ADARB2: variants seen among roughly 807,000 people sequenced by gnomAD.
ADARB2 encodes adenosine deaminase RNA specific B2 (inactive).
A neutral mutation model predicts 62.2 loss-of-function variants in ADARB2; 25 were observed. The ratio of observed to expected loss-of-function variants is 0.40; its 90% confidence interval spans 0.29 to 0.56. The LOEUF is 0.56. ADARB2 is among the 20% of genes least tolerant of loss of function. ADARB2 has a pLI of 0.43. For missense variants in ADARB2, 1,071 were observed against 1,077.4 expected (o/e 0.99, Z 0.08); for synonymous variants, 572 against 500.8 (o/e 1.14, Z -1.90).
chr10:1,610,933 G>T (rs1478457148), intron 1 of ADARB2, among the ~76,000 whole-genome samples: 1 of 152,112 alleles, frequency 6.6e-6, no homozygotes, highest in Non-Finnish European at 1.5e-5. Context: ...TGAGGTGGGG[G>T]CTTTAACTCA....
intron 3 of ADARB2, among the ~76,000 whole-genome samples, chr10:1,315,075 G>A (rs1032946686): frequency 6.6e-6 from 1 of 152,202 alleles, no homozygotes; most frequent in Admixed American, 6.5e-5. Context: ...CCTGGGCAGG[G>A]AGCCCTGAGT....
intron 6 of ADARB2, among the ~76,000 whole-genome samples, chr10:1,224,005 C>A (rs1259504741): frequency 2.6e-5 from 4 of 152,176 alleles, no homozygotes; most frequent in Non-Finnish European, 5.9e-5. Context: ...ATGGTACCAG[C>A]TCCTCTTTGT....
intron 1 of ADARB2, among the ~76,000 whole-genome samples, chr10:1,400,706 C>T (rs79696532): frequency 0.019 from 2,922 of 152,250 alleles, 38 homozygotes; most frequent in Non-Finnish European, 0.03. Flanking sequence ...GTGCCCGGGA[C>T]GAGATGGCAC....
intron 1 of ADARB2, among the ~76,000 whole-genome samples, chr10:1,459,905 T>A (rs1831146309): frequency 6.6e-6 from 1 of 152,198 alleles, no homozygotes; most frequent in South Asian, 2.1e-4. Flanking sequence ...TGACATAATC[T>A]GTGCAGCAAA....
chr10:1,219,876 GTGATGA>G (rs1319507602), intron 6 of ADARB2, among the ~76,000 whole-genome samples: 1 of 143,930 alleles, frequency 6.9e-6, no homozygotes, highest in African/African-American at 2.6e-5. Flanking sequence ...AATGGTGGTG[GTGATGA>G]TGGTGATGGT....
chr10:1,665,161 T>G (rs925364348), intron 1 of ADARB2, among the ~76,000 whole-genome samples: 1 of 152,198 alleles, frequency 6.6e-6, no homozygotes, highest in Non-Finnish European at 1.5e-5. Flanking sequence ...AAAGCTTAGG[T>G]CACTGCTAAC....
intron 1 of ADARB2, among the ~76,000 whole-genome samples, chr10:1,484,901 C>T (rs1303930697): frequency 6.6e-6 from 1 of 151,660 alleles, no homozygotes; most frequent in Admixed American, 6.6e-5. Context: ...TTTGTAGGTG[C>T]ACTTGTAGGT....
chr10:1,204,597 C>T (rs1341697001), intron 7 of ADARB2, among the ~76,000 whole-genome samples: 1 of 152,236 alleles, frequency 6.6e-6, no homozygotes, highest in Non-Finnish European at 1.5e-5. Context: ...CGCGTGGACG[C>T]TCCGCCCCTC....
chr10:1,677,176 A>G (rs1474895400), intron 1 of ADARB2, among the ~76,000 whole-genome samples: 1 of 152,254 alleles, frequency 6.6e-6, no homozygotes, highest in Non-Finnish European at 1.5e-5. Context: ...GGTTCAGACC[A>G]AGATAACTGT....
At chr10:1,286,185 C>T (rs1389583064) in intron 3 of ADARB2, among the ~76,000 whole-genome samples, 1 of 152,176 alleles carries the variant, frequency 6.6e-6, no homozygotes, top group Non-Finnish European at 1.5e-5. Context: ...GTGGGACACA[C>T]CTCGAAGCCC....
At chr10:1,553,028 T>TG (rs1003744592) in intron 1 of ADARB2, among the ~76,000 whole-genome samples, 2 of 152,160 alleles carry the variant, frequency 1.3e-5, no homozygotes, top group African/African-American at 4.8e-5. Context: ...TCCTGGGACA[T>TG]GGGGGGAGAG....
At chr10:1,352,503 C>T (rs1378642030) in intron 3 of ADARB2, among the ~76,000 whole-genome samples, 2 of 152,170 alleles carry the variant, frequency 1.3e-5, no homozygotes, top group East Asian at 3.9e-4. Flanking sequence ...GGAATTCTTA[C>T]ACAAGAGCCA....
intron 1 of ADARB2, among the ~76,000 whole-genome samples, chr10:1,433,519 A>G (rs1830797902): frequency 6.6e-6 from 1 of 152,200 alleles, no homozygotes; most frequent in African/African-American, 2.4e-5. Context: ...CCGGCTTCCC[A>G]GATGCGGACG....
chr10:1,345,638 T>TC (rs1216409416), intron 3 of ADARB2, among the ~76,000 whole-genome samples: 1 of 152,076 alleles, frequency 6.6e-6, no homozygotes, highest in Admixed American at 6.5e-5. Context: ...CTGCTGTGTT[T>TC]CCCCCCGTGA....
intron 8 of ADARB2, among the ~76,000 whole-genome samples, chr10:1,197,153 C>T (rs1247497693): frequency 6.6e-6 from 1 of 152,208 alleles, no homozygotes; most frequent in Non-Finnish European, 1.5e-5. Flanking sequence ...ATATTTGCTA[C>T]TGCTTCACTA....
At chr10:1,220,243 ATGGTGGTGG>A (rs1264800653) in intron 6 of ADARB2, among the ~76,000 whole-genome samples, 1 of 108,224 alleles carries the variant, frequency 9.2e-6, no homozygotes, top group African/African-American at 3.5e-5. Flanking sequence ...GGTGGTGATA[ATGGTGGTGG>A]TGGTGATGAT....
At chr10:1,263,062 A>G (rs1831158409) in intron 4 of ADARB2, among the ~76,000 whole-genome samples, 1 of 145,444 alleles carries the variant, frequency 6.9e-6, no homozygotes, top group Non-Finnish European at 1.5e-5. Context: ...GTTCTCACTC[A>G]TAGGTGGGAA....
intron 1 of ADARB2, among the ~76,000 whole-genome samples, chr10:1,417,905 C>T (rs749271889): frequency 1.3e-5 from 2 of 152,216 alleles, no homozygotes; most frequent in Non-Finnish European, 2.9e-5. Flanking sequence ...GAAGAGCAGA[C>T]GCCAGGGTGC....
At chr10:1,188,974 C>T (rs949916892) in intron 8 of ADARB2, among the ~76,000 whole-genome samples, 13 of 152,340 alleles carry the variant, frequency 8.5e-5, no homozygotes, top group African/African-American at 1.2e-4. Flanking sequence ...CCAGCCCTCC[C>T]GCACCAGGTG....
Sources: allele counts gnomAD v4.1 joint callset (sites outside exome capture counted in the v4.1 genomes callset), GRCh38; gene constraint gnomAD v4.1.1; transcripts MANE v1.5; gene names NCBI Gene and HGNC (gene_info 2026-07-23, HGNC 2026-07-21).